AIG1: variants seen among roughly 807,000 people sequenced by gnomAD.
The protein encoded by AIG1 is androgen induced 1.
In AIG1, 23 loss-of-function variants were observed where a neutral mutation model predicts 31.4. That is an observed-to-expected ratio of 0.73 (90% CI 0.53 to 1.04). The LOEUF (loss-of-function observed/expected upper bound fraction) is 1.04. Ranked by LOEUF, AIG1 falls within the 50% of genes least tolerant of loss-of-function variation. AIG1 has a pLI of 0.00. For synonymous variants in AIG1, 100 were observed against 110.5 expected (o/e 0.90, Z 0.60); for missense variants, 274 against 295.0 (o/e 0.93, Z 0.52).
intron 1 of AIG1, among the ~76,000 whole-genome samples, chr6:143,082,279 C>G (rs1778330754): frequency 6.6e-6 from 1 of 152,180 alleles, no homozygotes; most frequent in African/African-American, 2.4e-5. Context: ...CGTAAGCCGC[C>G]TTTCGAAGTC....
intron 1 of AIG1, among the ~76,000 whole-genome samples, chr6:143,117,185 C>A (rs1781811007): frequency 6.6e-6 from 1 of 152,038 alleles, no homozygotes; most frequent in Admixed American, 6.6e-5. Flanking sequence ...ACCCAGGAGA[C>A]CAGTGGCACT....
chr6:143,304,791 A>G (rs1298501526), intron 4 of AIG1, among the ~76,000 whole-genome samples: 1 of 152,116 alleles, frequency 6.6e-6, no homozygotes, highest in Non-Finnish European at 1.5e-5. Flanking sequence ...GAATAGTTTC[A>G]GAAGGAATGG....
intron 3 of AIG1, among the ~76,000 whole-genome samples, chr6:143,190,833 G>C (rs1789726812): frequency 6.6e-6 from 1 of 152,134 alleles, no homozygotes; most frequent in Non-Finnish European, 1.5e-5. Context: ...TCCTTTAAAA[G>C]TCAATCCCAT....
At chr6:143,084,106 G>T (rs6570546) in intron 1 of AIG1, among the ~76,000 whole-genome samples, 1 of 152,030 alleles carries the variant, frequency 6.6e-6, no homozygotes, top group Non-Finnish European at 1.5e-5. Flanking sequence ...TGAGAAGGCC[G>T]CACCAGTGTC....
At chr6:143,318,001 CACAA>C (rs1259507410) in intron 4 of AIG1, among the ~76,000 whole-genome samples, 1 of 152,014 alleles carries the variant, frequency 6.6e-6, no homozygotes, top group Non-Finnish European at 1.5e-5. Context: ...TTATAGACTA[CACAA>C]ACAAATGGAA....
intron 2 of AIG1, among the ~76,000 whole-genome samples, chr6:143,161,329 G>A (rs1434447699): frequency 6.6e-6 from 1 of 151,968 alleles, no homozygotes; most frequent in African/African-American, 2.4e-5. Context: ...CACTAATCTT[G>A]CACAAAACCC....
At position 143,288,083 on chromosome 6, in the gene AIG1, C is replaced by T. The variant is rs1439192988; in HGVS notation, c.515+3858C>T. 6.6e-6 allele frequency among the ~76,000 whole-genome samples: 1 copy of T among 152,104 alleles called. No homozygotes were observed. Among genetic ancestry groups the T allele is most frequent in the East Asian group, 1.9e-4 (1 of 5,194 alleles). ...TAGTTGACATGTATAAAAGAGAAGA[C>T]ATCTTTGCTCCACCTGGTGCAGCCG... On this transcript the variant is annotated intron_variant, in intron 4 of 5. Transcript: ENST00000357847. This position sits in a 1 kb window ranked among gnomAD's most constrained non-coding sequence, Gnocchi z 4.4.
chr6:143,061,970 A>G (rs1338292997), intron 1 of AIG1, among the ~76,000 whole-genome samples: 2 of 152,206 alleles, frequency 1.3e-5, no homozygotes, highest in Non-Finnish European at 2.9e-5. Context: ...GGCTTAAAAC[A>G]AAAGCAATGA....
chr6:143,208,442 A>G (rs888807672), intron 3 of AIG1, among the ~76,000 whole-genome samples: 1 of 152,162 alleles, frequency 6.6e-6, no homozygotes, highest in Non-Finnish European at 1.5e-5. Flanking sequence ...ATACAAATAA[A>G]AGAAGGAAAG....
In AIG1 at chr6:143,086,369, C is replaced by A. The variant is rs1238305927; in HGVS notation, c.141+25303C>A. ...CTTCTATCTCTCTTTTTCTCTCTTT[C>A]TGCCTCTCTTTCCCCACCCCCTGCC... On this transcript the variant is annotated intron_variant, in intron 1 of 5. Coordinates refer to ENST00000357847, the MANE Select transcript of AIG1 (RefSeq NM_016108.4). Among the ~76,000 whole-genome samples, 16 of 150,958 alleles carry A rather than the reference C, an allele frequency of 1.1e-4. No homozygotes were observed. In the East Asian group the frequency reaches 2.9e-3, roughly 27 times the overall value.
At chr6:143,103,719 G>C (rs1472266034) in intron 1 of AIG1, among the ~76,000 whole-genome samples, 2 of 151,626 alleles carry the variant, frequency 1.3e-5, no homozygotes, top group Non-Finnish European at 2.9e-5. Flanking sequence ...ATTTTAGCCG[G>C]GATGGTCTCG....
Position 143,201,036 on chromosome 6 carries a change from C to T in AIG1, c.399+35853C>T, listed in dbSNP as rs140561987. 1.1e-4 allele frequency among the ~76,000 whole-genome samples: 17 copies of T among 152,230 alleles called. No individual in the cohort carries two copies. The East Asian group carries it at 2.9e-3, about 26-fold the overall frequency. On this transcript the variant is annotated intron_variant, in intron 3 of 5. Coordinates refer to ENST00000357847, the MANE Select transcript of AIG1 (RefSeq NM_016108.4). Reference sequence around the variant, plus strand: ...TCCCGTCTCAGTAAATATCAGTCATCGCCATCTACCTTGCTGCTCAAGACA... The same window carrying T: ...TCCCGTCTCAGTAAATATCAGTCATTGCCATCTACCTTGCTGCTCAAGACA...
chr6:143,285,880 T>G (rs910439960), intron 4 of AIG1, among the ~76,000 whole-genome samples: 1 of 152,208 alleles, frequency 6.6e-6, no homozygotes, highest in South Asian at 2.1e-4. Context: ...TTTATACATA[T>G]GAACTTATAT....
chr6:143,199,429 G>C (rs1167159140), intron 3 of AIG1, among the ~76,000 whole-genome samples: 4 of 152,034 alleles, frequency 2.6e-5, no homozygotes, highest in African/African-American at 7.2e-5. Flanking sequence ...TGGATGATGG[G>C]TTCATGGGGG....
chr6:143,125,484 A>G (rs1022678892), intron 1 of AIG1, among the ~76,000 whole-genome samples: 1 of 152,258 alleles, frequency 6.6e-6, no homozygotes, highest in African/African-American at 2.4e-5. Context: ...TCATGCTAAT[A>G]TTAACTATGT....
At chr6:143,089,077 G>A (rs1266195555) in intron 1 of AIG1, among the ~76,000 whole-genome samples, 1 of 152,010 alleles carries the variant, frequency 6.6e-6, no homozygotes, top group Non-Finnish European at 1.5e-5. Flanking sequence ...ACAGGTGGTG[G>A]TGGGTGCCTG....
intron 4 of AIG1, among the ~76,000 whole-genome samples, chr6:143,301,264 A>G (rs749642798): frequency 1.3e-5 from 2 of 152,242 alleles, no homozygotes; most frequent in Non-Finnish European, 2.9e-5. Context: ...GTGCTCTTGT[A>G]TAGAAGCTTT....
chr6:143,189,447 A>G, intron 3 of AIG1: 1 of 982,308 alleles, frequency 1.0e-6, no homozygotes, highest in Non-Finnish European at 1.2e-6. Flanking sequence ...TAGTTTTTTA[A>G]TACAGTAATT....
intron 4 of AIG1, among the ~76,000 whole-genome samples, chr6:143,296,391 G>T (rs1454382982): frequency 6.6e-6 from 1 of 152,132 alleles, no homozygotes; most frequent in South Asian, 2.1e-4. Context: ...ATTTCCCCGA[G>T]GGGTGCCTTC....
Sources: allele counts gnomAD v4.1 joint callset (sites outside exome capture counted in the v4.1 genomes callset), GRCh38; gene constraint gnomAD v4.1.1; non-coding constraint Gnocchi (gnomAD v3.1); transcripts MANE v1.5; gene names NCBI Gene and HGNC (gene_info 2026-07-23, HGNC 2026-07-21).